CUL2: variants seen among roughly 807,000 people sequenced by gnomAD.
CUL2 encodes the protein cullin-2.
In CUL2, 22 loss-of-function variants were observed where a neutral mutation model predicts 110.2. That is an observed-to-expected ratio of 0.20 (90% CI 0.14 to 0.28). The LOEUF (loss-of-function observed/expected upper bound fraction) is 0.28, where lower values mean the gene tolerates loss of function less well. CUL2 is among the 10% of genes least tolerant of loss of function. The pLI, the probability that CUL2 is intolerant of heterozygous loss-of-function variation, is 1.00. For synonymous variants in CUL2, 279 were observed against 293.2 expected, an observed-to-expected ratio of 0.95 and a Z score of 0.49; for missense variants, 631 against 905.5, an observed-to-expected ratio of 0.70 and a Z score of 3.89.
At chr10:35,099,337 G>C (rs1042488966) in intron 2 of CUL2, among the ~76,000 whole-genome samples, 5 of 150,118 alleles carry the variant, frequency 3.3e-5, no homozygotes, top group Non-Finnish European at 5.9e-5. Context: ...ATTGCAGTGA[G>C]CCTTGATAGC....
intron 11 of CUL2, 99 bp from the exon 12 acceptor site, chr10:35,032,593 C>A (rs2085506136): frequency 5.0e-6 from 4 of 806,264 alleles, no homozygotes; most frequent in Non-Finnish European, 7.8e-6. Flanking sequence ...AATTACCCCG[C>A]CACATAAAAC....
At chr10:35,125,585 A>C (rs2087757099) in intron 1 of CUL2, among the ~76,000 whole-genome samples, 1 of 152,258 alleles carries the variant, frequency 6.6e-6, no homozygotes, top group South Asian at 2.1e-4. Flanking sequence ...ATATGAAATA[A>C]TAAATCCTCA....
chr10:35,012,359 C>G (rs1302686730), intron 19 of CUL2, among the ~76,000 whole-genome samples: 1 of 152,094 alleles, frequency 6.6e-6, no homozygotes, highest in Non-Finnish European at 1.5e-5. Flanking sequence ...TAAAGGAGGA[C>G]ACAGCAATAA....
intron 1 of CUL2, among the ~76,000 whole-genome samples, chr10:35,085,629 A>G (rs1460893197): frequency 6.7e-6 from 1 of 150,198 alleles, no homozygotes; most frequent in Non-Finnish European, 1.5e-5. Context: ...CTGTAGTCCC[A>G]GCTACTCGGG....
intron 1 of CUL2, among the ~76,000 whole-genome samples, chr10:35,084,531 T>C (rs1231975899): frequency 6.6e-6 from 1 of 152,138 alleles, no homozygotes; most frequent in African/African-American, 2.4e-5. Context: ...AGTACTGATA[T>C]AGAAATCTAT....
At chr10:35,089,322 G>A (rs1227122117) in intron 1 of CUL2, among the ~76,000 whole-genome samples, 3 of 152,200 alleles carry the variant, frequency 2.0e-5, no homozygotes, top group Admixed American at 6.5e-5. Context: ...TAAAGGGTAG[G>A]CAACAGTGTT....
At chr10:35,110,869 T>C (rs945058517) in intron 1 of CUL2, among the ~76,000 whole-genome samples, 4 of 152,166 alleles carry the variant, frequency 2.6e-5, no homozygotes, top group Non-Finnish European at 5.9e-5. Flanking sequence ...TCTCCGGATA[T>C]GGTTACATTC....
At chr10:35,101,236 T>G (rs758851578) in intron 1 of CUL2, among the ~76,000 whole-genome samples, 5 of 152,204 alleles carry the variant, frequency 3.3e-5, no homozygotes, top group Non-Finnish European at 5.9e-5. Context: ...GTGAGAGGTA[T>G]TAAGCCATCA....
At position 35,088,376 on chromosome 10, in the gene CUL2, C is replaced by T. The variant is rs7912881; in HGVS notation, c.-23+1803G>A. Among the ~76,000 whole-genome samples the T allele has an allele frequency of 6.2e-3, 935 of 151,900 alleles. 12 individuals carry two copies. Among genetic ancestry groups the T allele is most frequent in the African/African-American group, 0.021 (887 of 41,438 alleles). On this transcript the variant is annotated intron_variant, in intron 1 of 20. Coordinates refer to ENST00000374749, the MANE Select transcript of CUL2 (RefSeq NM_003591.4). ...TACAAAAATTAGCTGGGCGTGGTGA[C>T]GTGCGCCTGTAGTGCCAGCTACTCA... is the stretch of plus-strand genomic sequence containing the variant.
chr10:35,061,312 A>G (rs1310395242), intron 3 of CUL2, among the ~76,000 whole-genome samples: 1 of 151,996 alleles, frequency 6.6e-6, no homozygotes, highest in Non-Finnish European at 1.5e-5. Context: ...CGTCTCTACT[A>G]AATAAAAAAA....
chr10:35,058,117 T>A (rs2086289208), intron 4 of CUL2, among the ~76,000 whole-genome samples: 2 of 152,094 alleles, frequency 1.3e-5, no homozygotes, highest in Non-Finnish European at 2.9e-5. Context: ...ATAAAATTTT[T>A]AAAAAAAGAA....
At chr10:35,038,298 G>A (rs2085682216) in intron 9 of CUL2, among the ~76,000 whole-genome samples, 1 of 151,604 alleles carries the variant, frequency 6.6e-6, no homozygotes. Context: ...GGCTGAGGCG[G>A]GCGGACCACA....
chr10:35,121,604 A>G (rs906993052), intron 1 of CUL2, among the ~76,000 whole-genome samples: 1 of 152,224 alleles, frequency 6.6e-6, no homozygotes, highest in Non-Finnish European at 1.5e-5. Context: ...CCCTTTTCCA[A>G]TATGAAATAT....
At chr10:35,021,847 G>A (rs1460228128) in intron 17 of CUL2, among the ~76,000 whole-genome samples, 2 of 131,028 alleles carry the variant, frequency 1.5e-5, no homozygotes, top group South Asian at 2.8e-4. Context: ...GAGGTGAGGT[G>A]AGGTGAGGTG....
intron 1 of CUL2, chr10:35,118,151 A>T (rs957819391): frequency 6.6e-6 from 1 of 152,214 alleles, no homozygotes; most frequent in Non-Finnish European, 1.5e-5. Context: ...TATCATGCAG[A>T]ATAGTTTCAC....
intron 1 of CUL2, among the ~76,000 whole-genome samples, chr10:35,075,915 C>T (rs183927990): frequency 8.4e-4 from 127 of 151,972 alleles, no homozygotes; most frequent in African/African-American, 3.0e-3. Flanking sequence ...AATTCCACTC[C>T]GAAGTATAAA....
intron 8 of CUL2, among the ~76,000 whole-genome samples, chr10:35,043,123 G>A (rs991837574): frequency 4.6e-5 from 7 of 152,074 alleles, no homozygotes; most frequent in African/African-American, 1.2e-4. Flanking sequence ...CACTACACAC[G>A]ATGAATAATA....
chr10:35,107,051 T>A (rs549126186), intron 1 of CUL2, among the ~76,000 whole-genome samples: 1 of 152,206 alleles, frequency 6.6e-6, no homozygotes, highest in African/African-American at 2.4e-5. Context: ...CTCAGCTCAC[T>A]GCAAGCTCCA....
chr10:35,077,480 G>C (rs1564742879), intron 1 of CUL2, among the ~76,000 whole-genome samples: 1 of 151,712 alleles, frequency 6.6e-6, no homozygotes, highest in Non-Finnish European at 1.5e-5. Flanking sequence ...CTGGACAACA[G>C]AGCAAGACTC....
Sources: allele counts gnomAD v4.1 joint callset (sites outside exome capture counted in the v4.1 genomes callset), GRCh38; gene constraint gnomAD v4.1.1; transcripts MANE v1.5; gene names NCBI Gene and HGNC (gene_info 2026-07-23, HGNC 2026-07-21).